Variants in PUS10 observed in about 807,000 individuals in gnomAD.
PUS10 encodes the protein pseudouridine synthase 10.
Under a neutral mutation model 75.0 loss-of-function variants are expected in PUS10, and 59 were observed. The observed-to-expected ratio is 0.79, with a 90% CI of 0.64 to 0.98. PUS10 has a LOEUF of 0.98. Among genes scored for constraint, PUS10 ranks in the 50% least tolerant of loss-of-function variants. The pLI, the probability that PUS10 is intolerant of heterozygous loss-of-function variation, is 0.00. For missense variants in PUS10, 650 were observed against 614.4 expected, an observed-to-expected ratio of 1.06 and a Z score of -0.61; for synonymous variants, 219 against 211.6, an observed-to-expected ratio of 1.03 and a Z score of -0.30.
In PUS10 at chr2:61,014,294, C is replaced by T. The variant is rs539065452; in HGVS notation, c.-15-2389G>A. Among the ~76,000 whole-genome samples, 20 of 152,098 alleles carry T rather than the reference C, an allele frequency of 1.3e-4. No individual in the cohort carries two copies. In the South Asian group the frequency reaches 4.0e-3, roughly 30 times the overall value. On this transcript the variant is annotated intron_variant, in intron 1 of 17. Coordinates refer to ENST00000316752, the MANE Select transcript of PUS10 (RefSeq NM_144709.4). ...TCAGGAGGCTGAGACAAGAGAATCA[C>T]TTGAACCCCAGGAGGCGGAGGGTGC...
chr2:60,968,298 G>A (rs555850126), intron 5 of PUS10, among the ~76,000 whole-genome samples: 3 of 152,110 alleles, frequency 2.0e-5, no homozygotes, highest in Non-Finnish European at 2.9e-5. Flanking sequence ...GAGATAAAAG[G>A]GATGAAAAAC....
At chr2:60,965,374 A>G (rs1463812671) in intron 7 of PUS10, 49 bp downstream of exon 7, 1 of 1,394,558 alleles carries the variant, frequency 7.2e-7, no homozygotes, top group Non-Finnish European at 1.0e-6. Context: ...TGAAAACCAA[A>G]CAGCATTAAC....
At chr2:60,950,237 T>A (rs1156948894) in intron 15 of PUS10, among the ~76,000 whole-genome samples, 1 of 152,188 alleles carries the variant, frequency 6.6e-6, no homozygotes, top group Non-Finnish European at 1.5e-5. Context: ...GGTGAATGAT[T>A]TGTGTGTTTT....
At chr2:60,969,298 T>TA (rs1195415907) in intron 5 of PUS10, among the ~76,000 whole-genome samples, 1 of 152,238 alleles carries the variant, frequency 6.6e-6, no homozygotes, top group Non-Finnish European at 1.5e-5. Flanking sequence ...CTCATCCTTA[T>TA]ATATAAAGCA....
intron 4 of PUS10, among the ~76,000 whole-genome samples, chr2:61,000,223 C>G (rs1188067687): frequency 6.6e-6 from 1 of 152,118 alleles, no homozygotes; most frequent in Non-Finnish European, 1.5e-5. Flanking sequence ...TATAAGGAAG[C>G]CCCTCAAATA....
chr2:60,990,739 A>ATTTTC (rs1011275737), intron 4 of PUS10, among the ~76,000 whole-genome samples: 143 of 151,966 alleles, frequency 9.4e-4, no homozygotes, highest in East Asian at 2.1e-3. Context: ...CAATGTCCAA[A>ATTTTC]TTTTCTTTTC....
At chr2:60,981,581 C>T (rs1270170664) in intron 4 of PUS10, among the ~76,000 whole-genome samples, 1 of 152,140 alleles carries the variant, frequency 6.6e-6, no homozygotes. Context: ...CGTGCCTGGC[C>T]TAAAAAATAT....
intron 4 of PUS10, among the ~76,000 whole-genome samples, chr2:61,002,196 T>C (rs1212583155): frequency 6.6e-6 from 1 of 152,198 alleles, no homozygotes; most frequent in African/African-American, 2.4e-5. Context: ...GAATGGGACC[T>C]GGGAAACTCT....
intron 3 of PUS10, 73 bp downstream of exon 3, chr2:61,008,687 GA>G: frequency 1.6e-6 from 2 of 1,231,700 alleles, no homozygotes; most frequent in Non-Finnish European, 1.1e-6. Context: ...AAAAAGGAAA[GA>G]AAAAAGAATT....
At chr2:60,964,481 C>A (rs1171059425) in intron 8 of PUS10, among the ~76,000 whole-genome samples, 1 of 152,108 alleles carries the variant, frequency 6.6e-6, no homozygotes, top group African/African-American at 2.4e-5. Context: ...ATGATACGAG[C>A]TAAGAGTGTA....
At chr2:60,969,593 A>G (rs1676536677) in intron 5 of PUS10, among the ~76,000 whole-genome samples, 2 of 152,254 alleles carry the variant, frequency 1.3e-5, no homozygotes, top group Admixed American at 1.3e-4. Flanking sequence ...AAGATGAACC[A>G]GAGTATGCAA....
chr2:61,017,788 A>T lies in PUS10; in HGVS notation c.-16+220T>A, dbSNP rs1230492316. ...GCGTCCCAGCCGCCACCTCCCCCCAAACCCTGGGAGACCCGCCGAATTCCG... is the reference window on the plus strand; with the variant it reads ...GCGTCCCAGCCGCCACCTCCCCCCATACCCTGGGAGACCCGCCGAATTCCG... On this transcript the variant is annotated intron_variant, in intron 1 of 17. Coordinates refer to ENST00000316752, the MANE Select transcript of PUS10 (RefSeq NM_144709.4). The T allele has an allele frequency of 9.0e-6, 14 of 1,550,276 alleles. No individual in the cohort carries two copies. Among genetic ancestry groups the T allele is most frequent in the Non-Finnish European group, 1.0e-5 (12 of 1,146,916 alleles).
rs370856875 is a variant in PUS10 at position 60,975,910 on chromosome 2, C to T, written c.469-4353G>A. On this transcript the variant is annotated intron_variant, in intron 4 of 17. Transcript: ENST00000316752. Reference sequence around the variant, plus strand: ...CTAAGTACCTGGGAGTACAGGCACCCGCCACCACATCCAGCTAATTTTTAT... The same window carrying T: ...CTAAGTACCTGGGAGTACAGGCACCTGCCACCACATCCAGCTAATTTTTAT... 4.6e-5 allele frequency among the ~76,000 whole-genome samples: 7 copies of T among 152,134 alleles called. No homozygotes were observed. The East Asian group carries it at 9.7e-4, about 21-fold the overall frequency.
chr2:60,947,600 T>C (rs1675029064), intron 16 of PUS10, among the ~76,000 whole-genome samples: 1 of 151,624 alleles, frequency 6.6e-6, no homozygotes, highest in South Asian at 2.1e-4. Context: ...AAGGCCGAGG[T>C]GGGCGGATCA....
chr2:60,944,881 T>C (rs2104093712), intron 17 of PUS10, 128 bp downstream of exon 17: 1 of 670,278 alleles, frequency 1.5e-6, no homozygotes, highest in East Asian at 2.6e-5. Flanking sequence ...AATACAATGT[T>C]ACTGTGAGAT....
intron 4 of PUS10, among the ~76,000 whole-genome samples, chr2:60,972,133 T>C (rs1676717348): frequency 7.0e-6 from 1 of 142,074 alleles, no homozygotes; most frequent in African/African-American, 2.5e-5. Flanking sequence ...CCTCCCAAAG[T>C]GCTGGGATTA....
intron 1 of PUS10, 188 bp downstream of exon 1, chr2:61,017,820 G>C (rs1680110774): frequency 6.4e-7 from 1 of 1,550,552 alleles, no homozygotes; most frequent in East Asian, 2.4e-5. Flanking sequence ...TCCGGGAGCC[G>C]GACCGGGACC....
intron 11 of PUS10, among the ~76,000 whole-genome samples, chr2:60,957,753 T>A (rs940905448): frequency 2.0e-5 from 3 of 152,228 alleles, no homozygotes; most frequent in Admixed American, 6.5e-5. Context: ...GGCTCTGCCC[T>A]ATGGCCGTGT....
chr2:61,007,178 T>A (rs531621621), intron 3 of PUS10, among the ~76,000 whole-genome samples: 1 of 151,922 alleles, frequency 6.6e-6, no homozygotes, highest in Admixed American at 6.5e-5. Flanking sequence ...TTTTCAGATA[T>A]GTCAATTAAA....
Sources: gnomAD v4.1 joint callset for allele counts (sites outside exome capture counted in the v4.1 genomes callset) on GRCh38, gnomAD v4.1.1 for gene constraint, MANE v1.5 for transcripts, NCBI Gene and HGNC (gene_info 2026-07-23, HGNC 2026-07-21) for gene names.